Variants in FYN observed in about 807,000 individuals in gnomAD.
FYN encodes the protein FYN proto-oncogene, Src family tyrosine kinase, also known as tyrosine-protein kinase Fyn.
A neutral mutation model predicts 70.2 loss-of-function variants in FYN; 10 were observed. That is an observed-to-expected ratio of 0.14 (90% confidence interval 0.09 to 0.24). The LOEUF (loss-of-function observed/expected upper bound fraction) is 0.24, where lower values mean the gene tolerates loss of function less well. Ranked by LOEUF, FYN falls within the 10% of genes least tolerant of loss-of-function variation. The pLI, the probability that FYN is intolerant of heterozygous loss-of-function variation, is 1.00. For missense variants in FYN, 319 were observed against 673.1 expected, an observed-to-expected ratio of 0.47 and a Z score of 5.82; for synonymous variants, 236 against 248.6, an observed-to-expected ratio of 0.95 and a Z score of 0.48.
chr6:111,786,085 G>T lies in FYN; in HGVS notation c.-81-5450C>A, dbSNP rs553013463. Among the ~76,000 whole-genome samples the T allele has an allele frequency of 1.7e-4, 25 of 151,236 alleles. No individual in the cohort carries two copies. In the East Asian group the frequency reaches 4.9e-3, roughly 30 times the overall value. On this transcript the variant is annotated intron_variant, in intron 2 of 13. Coordinates refer to ENST00000354650, the MANE Select transcript of FYN (RefSeq NM_002037.5). ...AAATTATTTTTTTATTATACTTTAA[G>T]TTCTAGGGTACATGTGCACAACGTG...
intron 12 of FYN, among the ~76,000 whole-genome samples, chr6:111,683,069 T>A (rs1045800918): frequency 6.6e-6 from 1 of 152,216 alleles, no homozygotes; most frequent in African/African-American, 2.4e-5. Context: ...TGAGGGTCCA[T>A]GATGTCCCCA....
chr6:111,695,901 TATTA>T (rs1252796874), intron 10 of FYN, among the ~76,000 whole-genome samples: 1 of 152,190 alleles, frequency 6.6e-6, no homozygotes, highest in African/African-American at 2.4e-5. Context: ...CAGTGTCTGA[TATTA>T]ATTGTTTAGC....
intron 1 of FYN, among the ~76,000 whole-genome samples, chr6:111,866,919 TC>T (rs1774123877): frequency 6.6e-6 from 1 of 152,194 alleles, no homozygotes; most frequent in Non-Finnish European, 1.5e-5. Flanking sequence ...CCTCTAGTTC[TC>T]CTGATGCTGC....
chr6:111,867,217 A>G (rs553621157), intron 1 of FYN, among the ~76,000 whole-genome samples: 2 of 152,150 alleles, frequency 1.3e-5, no homozygotes, highest in Non-Finnish European at 2.9e-5. Flanking sequence ...CATGCCTATT[A>G]TCTCAGCACT....
chr6:111,673,622 G>GTTTTTTTTTTGTTTTTT, intron 13 of FYN, among the ~76,000 whole-genome samples: 1 of 116,588 alleles, frequency 8.6e-6, no homozygotes, highest in African/African-American at 3.2e-5. Flanking sequence ...TTCTATCATT[G>GTTTTTTTTTTGTTTTTT]TTTTTTTTTT....
intron 2 of FYN, among the ~76,000 whole-genome samples, chr6:111,821,246 AC>A (rs1772650766): frequency 6.6e-6 from 1 of 152,006 alleles, no homozygotes; most frequent in South Asian, 2.1e-4. Context: ...CTACAAGGCT[AC>A]AGTAACCAAA....
At chr6:111,835,818 A>G (rs961329000) in intron 2 of FYN, among the ~76,000 whole-genome samples, 1 of 148,330 alleles carries the variant, frequency 6.7e-6, no homozygotes, top group African/African-American at 2.5e-5. Context: ...GAGAAAAAGG[A>G]GAAAAGTGTG....
At position 111,732,125 on chromosome 6, in the gene FYN, C is replaced by T. The variant is rs78176789; in HGVS notation, c.-11-12063G>A. 2.5e-3 allele frequency among the ~76,000 whole-genome samples: 381 copies of T among 152,262 alleles called. 4 individuals carry two copies. Among genetic ancestry groups the T allele is most frequent in the East Asian group, 0.012 (64 of 5,176 alleles). ...CCACTTGTGGATGACCTACTTAACA[C>T]CTGATGGAAACCCAGTCAGATTTTT... is the stretch of plus-strand genomic sequence containing the variant. On this transcript the variant is annotated intron_variant, in intron 3 of 13. Transcript: ENST00000354650.
At chr6:111,701,892 G>A (rs919479058) in intron 8 of FYN, among the ~76,000 whole-genome samples, 10 of 152,276 alleles carry the variant, frequency 6.6e-5, no homozygotes, top group Admixed American at 2.0e-4. Context: ...GTTCATTAGT[G>A]CAAGGGATCA....
intron 3 of FYN, among the ~76,000 whole-genome samples, chr6:111,764,216 C>A (rs201009013): frequency 3.8e-3 from 219 of 58,320 alleles, no homozygotes; most frequent in African/African-American, 4.3e-3. Context: ...TTTTGTCAAG[C>A]AAAAAAAAAA....
chr6:111,699,760 T>G, intron 9 of FYN: 1 of 1,237,508 alleles, frequency 8.1e-7, no homozygotes, highest in South Asian at 1.5e-5. Context: ...ACTTGCCCGT[T>G]AGGATGACAC....
chr6:111,819,929 C>T (rs1484230631), intron 2 of FYN: 4 of 152,210 alleles, frequency 2.6e-5, no homozygotes, highest in Non-Finnish European at 5.9e-5. Context: ...TTCATTTCAA[C>T]TCAAGAATGA....
chr6:111,739,178 A>T (rs1426513262), intron 3 of FYN, among the ~76,000 whole-genome samples: 3 of 152,214 alleles, frequency 2.0e-5, no homozygotes, highest in South Asian at 4.1e-4. Context: ...AGCTCTACAG[A>T]TTCCACTGGG....
At chr6:111,836,725 G>A (rs1479453818) in intron 2 of FYN, among the ~76,000 whole-genome samples, 1 of 152,226 alleles carries the variant, frequency 6.6e-6, no homozygotes, top group Non-Finnish European at 1.5e-5. Flanking sequence ...CTGTGTCACT[G>A]CACTCCAGCC....
chr6:111,704,362 A>G (rs1799971451), intron 6 of FYN, among the ~76,000 whole-genome samples: 1 of 152,170 alleles, frequency 6.6e-6, no homozygotes, highest in Admixed American at 6.5e-5. Context: ...CATGACCAGA[A>G]CTGGTTTGTG....
intron 8 of FYN, 195 bp downstream of exon 8, chr6:111,702,690 A>G: frequency 2.4e-6 from 1 of 422,712 alleles, no homozygotes; most frequent in Admixed American, 4.3e-5. Flanking sequence ...AACATGTGGA[A>G]CTAATAATAA....
At chr6:111,673,308 A>G (rs1407550161) in intron 13 of FYN, among the ~76,000 whole-genome samples, 1 of 152,054 alleles carries the variant, frequency 6.6e-6, no homozygotes, top group Non-Finnish European at 1.5e-5. Flanking sequence ...CAGCATCAAT[A>G]AAACTGACTT....
At chr6:111,815,712 C>CTTTTTTTTTTTTT (rs11320954) in intron 2 of FYN, among the ~76,000 whole-genome samples, 3 of 140,486 alleles carry the variant, frequency 2.1e-5, no homozygotes, top group Non-Finnish European at 1.5e-5. Context: ...CTGAGTACTT[C>CTTTTTTTTTTTTT]TTTTTTTTTT....
chr6:111,683,916 C>CA (rs1246709248), intron 12 of FYN, among the ~76,000 whole-genome samples: 4 of 152,152 alleles, frequency 2.6e-5, no homozygotes, highest in African/African-American at 9.7e-5. Context: ...AAGCAAAACT[C>CA]AGAATTTTCA....
Sources: gnomAD v4.1 joint callset for allele counts (sites outside exome capture counted in the v4.1 genomes callset) on GRCh38, gnomAD v4.1.1 for gene constraint, MANE v1.5 for transcripts, NCBI Gene and HGNC (gene_info 2026-07-23, HGNC 2026-07-21) for gene names.